The following METTL15 variants were observed in gnomAD, a reference collection of about 807,000 sequenced individuals.
METTL15 encodes methyltransferase 15, mitochondrial 12S rRNA N4-cytidine.
A neutral mutation model predicts 38.3 loss-of-function variants in METTL15; 34 were observed. The ratio of observed to expected loss-of-function variants is 0.89; its 90% confidence interval spans 0.68 to 1.18. The LOEUF (loss-of-function observed/expected upper bound fraction) is 1.18, where lower values mean the gene tolerates loss of function less well. Among genes scored for constraint, METTL15 ranks in the 50% most tolerant of loss-of-function variants. The pLI is 0.00. For missense variants in METTL15, 438 were observed against 498.4 expected, an observed-to-expected ratio of 0.88 and a Z score of 1.15; for synonymous variants, 162 against 170.9, an observed-to-expected ratio of 0.95 and a Z score of 0.41.
At chr11:28,169,521 G>A (rs895474228) in intron 3 of METTL15, among the ~76,000 whole-genome samples, 15 of 152,116 alleles carry the variant, frequency 9.9e-5, no homozygotes, top group African/African-American at 3.6e-4. Flanking sequence ...TGATGTACCA[G>A]AATTACTGGC....
At chr11:28,395,331 G>C (rs572723000) in intron 5 of METTL15, among the ~76,000 whole-genome samples, 3 of 152,190 alleles carry the variant, frequency 2.0e-5, no homozygotes, top group East Asian at 1.9e-4. Context: ...GGGATGGCAA[G>C]ATAATTAATA....
intron 6 of METTL15, among the ~76,000 whole-genome samples, chr11:28,325,304 C>G (rs1005910248): frequency 1.3e-5 from 2 of 152,174 alleles, no homozygotes; most frequent in Non-Finnish European, 2.9e-5. Flanking sequence ...CTCGGCCTAT[C>G]CTTGACCAAA....
At chr11:28,530,139 A>G (rs1200466245), downstream of METTL15, among the ~76,000 whole-genome samples, 1 of 152,168 alleles carries the variant, frequency 6.6e-6, no homozygotes, top group Non-Finnish European at 1.5e-5. Context: ...GGAGACATTA[A>G]TGAAACAACA....
intron 5 of METTL15, among the ~76,000 whole-genome samples, chr11:28,413,835 C>A (rs1032588816): frequency 9.8e-5 from 15 of 152,294 alleles, no homozygotes; most frequent in African/African-American, 3.6e-4. Context: ...ATAGTCAAAT[C>A]TCTGGATTCT....
intron 3 of METTL15, among the ~76,000 whole-genome samples, chr11:28,339,073 G>A (rs562261186): frequency 6.6e-6 from 1 of 152,074 alleles, no homozygotes; most frequent in Admixed American, 6.6e-5. Flanking sequence ...TGAAGGAATT[G>A]GAGCTCAGTT....
intron 4 of METTL15, among the ~76,000 whole-genome samples, chr11:28,223,412 G>C (rs906508796): frequency 6.6e-6 from 1 of 152,030 alleles, no homozygotes; most frequent in Non-Finnish European, 1.5e-5. Context: ...GAGTATTTGT[G>C]GCAATAATGG....
chr11:28,119,782 G>C (rs1179048171), intron 3 of METTL15, among the ~76,000 whole-genome samples: 1 of 152,038 alleles, frequency 6.6e-6, no homozygotes, highest in Non-Finnish European at 1.5e-5. Flanking sequence ...AAAAATCTTT[G>C]CAATCTTTAA....
chr11:28,357,493 C>T (rs1850099899), intron 4 of METTL15, among the ~76,000 whole-genome samples: 1 of 152,268 alleles, frequency 6.6e-6, no homozygotes, highest in Non-Finnish European at 1.5e-5. Context: ...GTTTATATCC[C>T]GAAGTTTTCT....
chr11:28,337,547 C>G (rs1849912308), downstream of METTL15, among the ~76,000 whole-genome samples: 1 of 152,012 alleles, frequency 6.6e-6, no homozygotes, highest in African/African-American at 2.4e-5. Context: ...TTAGTGTAAC[C>G]TAAGTATACA....
At chr11:28,452,553 GT>G (rs1851132213) in intron 6 of METTL15, among the ~76,000 whole-genome samples, 1 of 152,110 alleles carries the variant, frequency 6.6e-6, no homozygotes, top group African/African-American at 2.4e-5. Flanking sequence ...CAGACATAAG[GT>G]AGACAGGAAA....
chr11:28,212,681 G>C (rs1217203387), intron 4 of METTL15, among the ~76,000 whole-genome samples: 1 of 152,128 alleles, frequency 6.6e-6, no homozygotes, highest in Non-Finnish European at 1.5e-5. Flanking sequence ...TTATTGTTTA[G>C]GGAATAGTGA....
intron 6 of METTL15, among the ~76,000 whole-genome samples, chr11:28,515,994 C>T (rs868760075): frequency 6.6e-6 from 1 of 152,178 alleles, no homozygotes; most frequent in Admixed American, 6.5e-5. Context: ...TAATCGTAAG[C>T]CCAAAGGGAA....
At chr11:28,293,372 G>A (rs868264780) in intron 5 of METTL15, among the ~76,000 whole-genome samples, 3 of 152,076 alleles carry the variant, frequency 2.0e-5, no homozygotes, top group South Asian at 2.1e-4. Flanking sequence ...TTGTAGATAT[G>A]CGGCGTTATT....
chr11:28,475,861 A>G (rs1851342199), intron 6 of METTL15, among the ~76,000 whole-genome samples: 1 of 152,210 alleles, frequency 6.6e-6, no homozygotes, highest in South Asian at 2.1e-4. Flanking sequence ...TTGCCTGTCC[A>G]CTAAGTGGCT....
intron 3 of METTL15, among the ~76,000 whole-genome samples, chr11:28,190,437 G>C (rs561078360): frequency 6.6e-6 from 1 of 151,092 alleles, no homozygotes; most frequent in Non-Finnish European, 1.5e-5. Flanking sequence ...TCAAGACTAC[G>C]TAACTCTATT....
rs1218682635 is a variant in METTL15, at chr11:28,113,381, C to T, written c.47C>T (p.Ser16Leu). The change falls in exon 3 of 7, where the codon TCA becomes TTA. Residue 16 changes from serine to leucine, a missense_variant. Ser to Leu is a moderately radical substitution (Grantham distance 145, BLOSUM62 -2). Transcript: ENST00000407364. ...TGTAGAATGTATAAAGAATGCCTTT[C>T]ATGTTGGTTGGAATCTGGCATACCT... ...YFCRMYKECL[S>L]CWLESGIPNL... The T allele has an allele frequency of 1.3e-6, 2 of 1,593,190 alleles. No individual in the cohort carries two copies. Among genetic ancestry groups the T allele is most frequent in the South Asian group, 1.1e-5 (1 of 88,040 alleles).
intron 5 of METTL15, among the ~76,000 whole-genome samples, chr11:28,381,825 G>C (rs929019897): frequency 6.6e-6 from 1 of 151,962 alleles, no homozygotes; most frequent in South Asian, 2.1e-4. Flanking sequence ...TTCTTGGTCA[G>C]ATAATTCACA....
In METTL15 at chr11:28,448,733, C is replaced by T. The variant is rs1851095124; in HGVS notation, c.*424+24369C>T. Among the ~76,000 whole-genome samples, 3 of 152,162 alleles carry T rather than the reference C, an allele frequency of 2.0e-5. No homozygotes were observed. The South Asian group carries it at 6.2e-4, about 32-fold the overall frequency. On this transcript the variant is annotated intron_variant and NMD_transcript_variant, in intron 6 of 7. Transcript: ENST00000532947. ...CCCTTCTTCTGAAAGTTCCTGTGGG[C>T]CAAAATGATCCAAGTGCATATTTGC...
chr11:28,382,050 A>G (rs1264547341), intron 5 of METTL15, among the ~76,000 whole-genome samples: 3 of 151,934 alleles, frequency 2.0e-5, no homozygotes, highest in African/African-American at 7.3e-5. Flanking sequence ...TTACCTGTGG[A>G]CCTTCTTTCT....
Sources: allele counts gnomAD v4.1 joint callset (sites outside exome capture counted in the v4.1 genomes callset), GRCh38; gene constraint gnomAD v4.1.1; transcripts MANE v1.5; gene names NCBI Gene and HGNC (gene_info 2026-07-23, HGNC 2026-07-21).